Variants in ASTN2 observed in about 807,000 individuals in gnomAD.
ASTN2 encodes astrotactin 2.
A neutral mutation model predicts 139.8 loss-of-function variants in ASTN2; 54 were observed. The observed-to-expected ratio is 0.39, with a 90% CI of 0.31 to 0.48. The LOEUF (loss-of-function observed/expected upper bound fraction) is 0.48. Ranked by LOEUF, ASTN2 falls within the 20% of genes least tolerant of loss-of-function variation. The pLI is 0.95. For missense variants in ASTN2, 1,565 were observed against 1,725.1 expected, an observed-to-expected ratio of 0.91 and a Z score of 1.64; for synonymous variants, 756 against 719.5, an observed-to-expected ratio of 1.05 and a Z score of -0.81.
chr9:117,212,819 C>T (rs1832183017), intron 3 of ASTN2, among the ~76,000 whole-genome samples: 1 of 152,114 alleles, frequency 6.6e-6, no homozygotes, highest in African/African-American at 2.4e-5. Context: ...GAAAAGAAAA[C>T]TCATACACTG....
intron 19 of ASTN2, among the ~76,000 whole-genome samples, chr9:116,589,539 C>T (rs1173726904): frequency 1.3e-5 from 2 of 152,116 alleles, no homozygotes; most frequent in Admixed American, 1.3e-4. Context: ...TAATTCCTGC[C>T]ACTGCCACAT....
chr9:117,414,420 G>T lies in ASTN2; in HGVS notation c.442+77C>A. The T allele has an allele frequency of 6.4e-7, 1 of 1,572,158 alleles. No homozygotes were observed. On this transcript the variant is annotated intron_variant, in intron 1 of 22. Transcript: ENST00000313400. The surrounding 1 kb of genome is among the most constrained non-coding windows in gnomAD (Gnocchi z 4.2). Reference sequence around the variant, plus strand: ...GGCAGCCCCGGGCAGGGATCCCCAGGGCGCCCCCACCCGTCCGGCATGACG... The same window carrying T: ...GGCAGCCCCGGGCAGGGATCCCCAGTGCGCCCCCACCCGTCCGGCATGACG...
At chr9:117,360,249 C>T (rs1829655214) in intron 1 of ASTN2, among the ~76,000 whole-genome samples, 1 of 152,082 alleles carries the variant, frequency 6.6e-6, no homozygotes, top group South Asian at 2.1e-4. Context: ...TGTCACAATC[C>T]CTGCTATCAA....
At chr9:116,881,880 A>G (rs1006132441) in intron 10 of ASTN2, among the ~76,000 whole-genome samples, 1 of 152,216 alleles carries the variant, frequency 6.6e-6, no homozygotes, top group Non-Finnish European at 1.5e-5. Context: ...CTGGATAAGA[A>G]CTATTTGATG....
chr9:116,624,950 G>A (rs1380544109), intron 17 of ASTN2, among the ~76,000 whole-genome samples: 1 of 152,146 alleles, frequency 6.6e-6, no homozygotes, highest in African/African-American at 2.4e-5. Context: ...GGCAGTCAAT[G>A]TTTGTTGAAT....
chr9:116,460,401 G>C (rs867871995), intron 20 of ASTN2, among the ~76,000 whole-genome samples: 2 of 152,110 alleles, frequency 1.3e-5, no homozygotes, highest in East Asian at 3.8e-4. Flanking sequence ...GAATTTCATG[G>C]TATGTGAATT....
chr9:116,902,963 C>A (rs932772060), intron 10 of ASTN2, among the ~76,000 whole-genome samples: 1 of 152,090 alleles, frequency 6.6e-6, no homozygotes, highest in African/African-American at 2.4e-5. Context: ...CCACTTTGAC[C>A]ACATCTCCCA....
intron 19 of ASTN2, among the ~76,000 whole-genome samples, chr9:116,556,930 A>T (rs1214978893): frequency 6.6e-6 from 1 of 152,166 alleles, no homozygotes; most frequent in Non-Finnish European, 1.5e-5. Flanking sequence ...AGGTATGTTA[A>T]TATGTTTACT....
intron 10 of ASTN2, among the ~76,000 whole-genome samples, chr9:116,895,099 G>A (rs1724205410): frequency 6.6e-6 from 1 of 152,142 alleles, no homozygotes; most frequent in Non-Finnish European, 1.5e-5. Context: ...TCTGAAATTT[G>A]AAATGCTCCA....
chr9:117,386,985 C>A (rs576825515), intron 1 of ASTN2, among the ~76,000 whole-genome samples: 1 of 152,208 alleles, frequency 6.6e-6, no homozygotes, highest in Admixed American at 6.5e-5. Context: ...GCCACCAACA[C>A]CCTCTGGGAC....
chr9:116,845,303 T>C (rs1024589040), intron 11 of ASTN2, among the ~76,000 whole-genome samples: 1 of 152,138 alleles, frequency 6.6e-6, no homozygotes, highest in Non-Finnish European at 1.5e-5. Flanking sequence ...TTATTTTTAG[T>C]AGAGACGGGG....
chr9:116,508,485 AGTGT>A (rs112019921), intron 19 of ASTN2, among the ~76,000 whole-genome samples: 79 of 150,202 alleles, frequency 5.3e-4, no homozygotes, highest in African/African-American at 1.6e-3. Context: ...TGTGAGTGTG[AGTGT>A]GTGTGTGTGT....
chr9:117,304,466 A>G (rs750045337), intron 1 of ASTN2, among the ~76,000 whole-genome samples: 5 of 152,138 alleles, frequency 3.3e-5, no homozygotes, highest in Non-Finnish European at 7.4e-5. Flanking sequence ...GTTGGTGCTT[A>G]ATGGGCATGT....
chr9:117,259,416 T>C (rs2133105610), intron 2 of ASTN2, among the ~76,000 whole-genome samples: 1 of 151,692 alleles, frequency 6.6e-6, no homozygotes, highest in African/African-American at 2.4e-5. Flanking sequence ...GAAGGGGAGG[T>C]CAGACATACC....
intron 10 of ASTN2, among the ~76,000 whole-genome samples, chr9:116,883,386 G>A (rs956321244): frequency 5.3e-5 from 8 of 152,306 alleles, no homozygotes; most frequent in Admixed American, 5.2e-4. Context: ...GGAGACAGCA[G>A]TGAGACTACA....
At chr9:116,777,038 C>T (rs1830102294) in intron 13 of ASTN2, among the ~76,000 whole-genome samples, 1 of 152,110 alleles carries the variant, frequency 6.6e-6, no homozygotes, top group Non-Finnish European at 1.5e-5. Flanking sequence ...TCTTGGGATG[C>T]CTATCTTGCC....
chr9:116,518,761 G>GC (rs1850752730), intron 19 of ASTN2, among the ~76,000 whole-genome samples: 3 of 152,226 alleles, frequency 2.0e-5, no homozygotes, highest in Admixed American at 6.5e-5. Flanking sequence ...AGTTTCTGCT[G>GC]TCTTCAGGAG....
At chr9:116,605,061 G>A (rs1189185578) in intron 19 of ASTN2, among the ~76,000 whole-genome samples, 1 of 151,552 alleles carries the variant, frequency 6.6e-6, no homozygotes, top group East Asian at 1.9e-4. Context: ...GAGAGACAGA[G>A]AGCCACCAAG....
intron 19 of ASTN2, among the ~76,000 whole-genome samples, chr9:116,573,314 A>G (rs1344507341): frequency 2.0e-5 from 3 of 152,196 alleles, no homozygotes; most frequent in Admixed American, 6.5e-5. Flanking sequence ...TGTTCTTCAG[A>G]ACATTACCTC....
Sources: allele counts gnomAD v4.1 joint callset (sites outside exome capture counted in the v4.1 genomes callset), GRCh38; gene constraint gnomAD v4.1.1; non-coding constraint Gnocchi (gnomAD v3.1); transcripts MANE v1.5; gene names NCBI Gene and HGNC (gene_info 2026-07-23, HGNC 2026-07-21).